Variants in UVRAG observed in about 807,000 individuals in gnomAD.
The protein encoded by UVRAG is UV radiation resistance associated.
A neutral mutation model predicts 78.0 loss-of-function variants in UVRAG; 19 were observed. That is an observed-to-expected ratio of 0.24 (90% CI 0.17 to 0.36). The LOEUF (loss-of-function observed/expected upper bound fraction) is 0.36, where lower values mean the gene tolerates loss of function less well. Ranked by LOEUF, UVRAG falls within the 10% of genes least tolerant of loss-of-function variation. The pLI is 1.00. For missense variants in UVRAG, 740 were observed against 853.8 expected (o/e 0.87, Z 1.66); for synonymous variants, 323 against 324.6 (o/e 1.00, Z 0.05).
intron 12 of UVRAG, among the ~76,000 whole-genome samples, chr11:76,063,386 T>A (rs1461418401): frequency 6.6e-6 from 1 of 152,206 alleles, no homozygotes; most frequent in African/African-American, 2.4e-5. Context: ...TAATTAAGAT[T>A]GGATTTCTGC....
In UVRAG at chr11:76,142,917, A is replaced by G. The variant is rs1212398733; in HGVS notation, c.*1504A>G. On this transcript the variant is annotated 3_prime_UTR_variant, in exon 15 of 15. Coordinates refer to ENST00000356136, the MANE Select transcript of UVRAG (RefSeq NM_003369.4). ...TCCAAGCATTCCTGGGCTCAAGTTT[A>G]ATGTATAGCTACATTGTTGTTTTCC... 1.3e-5 allele frequency: 2 copies of G among 152,314 alleles called. No homozygotes were observed. Among genetic ancestry groups the G allele is most frequent in the Non-Finnish European group, 2.9e-5 (2 of 68,050 alleles). 9.4% of individuals were successfully genotyped at this position (152,314 alleles called of 1,614,324 possible). A position where few individuals can be genotyped will look rare whatever the true frequency, so the allele number is the denominator to read the frequency against.
chr11:75,851,740 A>G (rs1341774575), intron 1 of UVRAG, 143 bp from the exon 2 acceptor site: 37 of 667,110 alleles, frequency 5.5e-5, no homozygotes, highest in Non-Finnish European at 5.0e-5. Flanking sequence ...TGAGGCATAA[A>G]TAAGAGACTG....
intron 3 of UVRAG, among the ~76,000 whole-genome samples, chr11:75,865,287 CAA>C (rs1195072746): frequency 2.2e-4 from 10 of 45,726 alleles, no homozygotes; most frequent in Admixed American, 4.6e-4. Context: ...AACTCCATCT[CAA>C]AAAAAAAAAA....
At chr11:75,932,481 A>G (rs1013962479) in intron 6 of UVRAG, among the ~76,000 whole-genome samples, 1 of 151,918 alleles carries the variant, frequency 6.6e-6, no homozygotes, top group Non-Finnish European at 1.5e-5. Flanking sequence ...GGATGGGGTT[A>G]CACCATGTTG....
chr11:76,140,304 T>C (rs995594717), intron 14 of UVRAG, among the ~76,000 whole-genome samples: 6 of 151,840 alleles, frequency 4.0e-5, no homozygotes, highest in African/African-American at 1.5e-4. Context: ...AAAGCTAAAA[T>C]AAGAATTGAA....
intron 4 of UVRAG, among the ~76,000 whole-genome samples, chr11:75,885,771 C>T (rs182463071): frequency 2.1e-4 from 32 of 152,066 alleles, no homozygotes; most frequent in African/African-American, 7.5e-4. Flanking sequence ...GAAATGTGCA[C>T]AGTAGTGTGC....
intron 13 of UVRAG, among the ~76,000 whole-genome samples, chr11:76,079,110 A>T (rs187606588): frequency 9.2e-5 from 14 of 151,846 alleles, no homozygotes; most frequent in Admixed American, 7.2e-4. Flanking sequence ...TAACTTTACC[A>T]CTCTTATAAT....
rs1306220283 is a variant in UVRAG, at chr11:76,141,407, TAAGTG to T, written c.*1_*5del. The T allele has an allele frequency of 1.2e-6, 2 of 1,612,178 alleles. No homozygotes were observed. Among genetic ancestry groups the T allele is most frequent in the Non-Finnish European group, 1.7e-6 (2 of 1,179,708 alleles). On this transcript the variant is annotated frameshift_variant and stop_lost, in exon 15 of 15. Transcript: ENST00000356136. LOFTEE classifies it high-confidence loss of function. ...TCCGCCGGCCGCGCAGGAGTTCCGA[TAAGTG>T]AAGTGAGCAGGTCAACAGTAGGACT...
At chr11:75,876,794 G>A (rs1238433826) in intron 3 of UVRAG, among the ~76,000 whole-genome samples, 1 of 148,718 alleles carries the variant, frequency 6.7e-6, no homozygotes, top group East Asian at 1.9e-4. Context: ...TTGGTAATAG[G>A]TTGATTTTGT....
At chr11:76,101,252 A>G (rs1451694991) in intron 13 of UVRAG, among the ~76,000 whole-genome samples, 7 of 151,984 alleles carry the variant, frequency 4.6e-5, no homozygotes, top group Non-Finnish European at 8.8e-5. Flanking sequence ...CAACTTTGCC[A>G]GCATCTATTT....
chr11:76,030,329 G>A lies in UVRAG; in HGVS notation c.1226+13349G>A, dbSNP rs577783968. ...ATTACAGCTGTGAGCCACAACACCC[G>A]GCCAAGATACTAACTTTTCTGCAGT... is the stretch of plus-strand genomic sequence containing the variant. On this transcript the variant is annotated intron_variant, in intron 12 of 14. Transcript: ENST00000356136. Among the ~76,000 whole-genome samples, 3 of 152,122 alleles carry A rather than the reference G, an allele frequency of 2.0e-5. No homozygotes were observed. The East Asian group carries it at 5.8e-4, about 29-fold the overall frequency.
intron 6 of UVRAG, among the ~76,000 whole-genome samples, chr11:75,933,231 A>G (rs1208099831): frequency 6.6e-6 from 1 of 152,198 alleles, no homozygotes; most frequent in Non-Finnish European, 1.5e-5. Flanking sequence ...CATTTTTGAC[A>G]AAGGTGTTAA....
intron 6 of UVRAG, among the ~76,000 whole-genome samples, chr11:75,918,379 G>GAAA (rs35021766): frequency 1.8e-5 from 2 of 113,632 alleles, no homozygotes; most frequent in Admixed American, 9.3e-5. Context: ...CTCCGTCTCA[G>GAAA]AAAAAAAAAA....
At chr11:75,945,825 G>A (rs1439083778) in intron 6 of UVRAG, among the ~76,000 whole-genome samples, 1 of 151,892 alleles carries the variant, frequency 6.6e-6, no homozygotes, top group Non-Finnish European at 1.5e-5. Flanking sequence ...GCTTTTGTCT[G>A]GAATATCTTT....
intron 8 of UVRAG, among the ~76,000 whole-genome samples, chr11:75,984,700 G>A (rs536777658): frequency 1.3e-5 from 2 of 152,204 alleles, no homozygotes; most frequent in East Asian, 3.9e-4. Flanking sequence ...GACTCAAACC[G>A]GATTGGTTTT....
intron 6 of UVRAG, among the ~76,000 whole-genome samples, chr11:75,931,732 CT>C (rs1434862299): frequency 6.6e-6 from 1 of 152,062 alleles, no homozygotes; most frequent in African/African-American, 2.4e-5. Context: ...AGTGATTTGG[CT>C]TTGGACAATG....
intron 1 of UVRAG, among the ~76,000 whole-genome samples, chr11:75,850,258 C>G (rs1416019988): frequency 6.6e-6 from 1 of 152,266 alleles, no homozygotes; most frequent in Non-Finnish European, 1.5e-5. Context: ...TGCCTTAGGT[C>G]CCTGGAGACC....
At chr11:76,008,777 ATTAATT>A in intron 10 of UVRAG, 24 bp from the exon 11 acceptor site, 1 of 1,270,368 alleles carries the variant, frequency 7.9e-7, no homozygotes. Context: ...TGCTTTATTT[ATTAATT>A]TTATTCTTTA....
chr11:76,036,113 T>A (rs1950529313), intron 12 of UVRAG, among the ~76,000 whole-genome samples: 1 of 152,216 alleles, frequency 6.6e-6, no homozygotes, highest in African/African-American at 2.4e-5. Context: ...AAAATTTACT[T>A]TGCTCAGAAT....
Sources: gnomAD v4.1 joint callset for allele counts (sites outside exome capture counted in the v4.1 genomes callset) on GRCh38, gnomAD v4.1.1 for gene constraint, MANE v1.5 for transcripts, NCBI Gene and HGNC (gene_info 2026-07-23, HGNC 2026-07-21) for gene names.